Variants in SOCS5 observed in about 807,000 individuals in gnomAD.
SOCS5 encodes suppressor of cytokine signaling 5, also known as CIS-6.
A neutral mutation model predicts 42.8 loss-of-function variants in SOCS5; 32 were observed. That is an observed-to-expected ratio of 0.75 (90% CI 0.56 to 1.01). SOCS5 has a LOEUF of 1.01. SOCS5 is among the 50% of genes least tolerant of loss of function. SOCS5 has a pLI of 0.00. For missense variants in SOCS5, 627 were observed against 653.0 expected, an observed-to-expected ratio of 0.96 and a Z score of 0.43; for synonymous variants, 283 against 229.6, an observed-to-expected ratio of 1.23 and a Z score of -2.10.
chr2:46,733,687 A>C (rs886397314), intron 1 of SOCS5, among the ~76,000 whole-genome samples: 1 of 152,236 alleles, frequency 6.6e-6, no homozygotes, highest in Non-Finnish European at 1.5e-5. Flanking sequence ...AAAAGTTACA[A>C]ATAGATACGA....
intron 1 of SOCS5, among the ~76,000 whole-genome samples, chr2:46,707,769 C>T (rs6741642): frequency 0.54 from 81,560 of 151,954 alleles, 22,781 homozygotes; most frequent in Middle Eastern, 0.64. Context: ...AATACAAATG[C>T]TCCTCGACTT....
chr2:46,701,303 C>G (rs975755334), intron 1 of SOCS5, among the ~76,000 whole-genome samples: 1 of 152,146 alleles, frequency 6.6e-6, no homozygotes, highest in African/African-American at 2.4e-5. Flanking sequence ...GACTCACTGG[C>G]TGTGAAGTAG....
chr2:46,725,063 A>G (rs957792907), intron 1 of SOCS5, among the ~76,000 whole-genome samples: 1 of 151,930 alleles, frequency 6.6e-6, no homozygotes, highest in Non-Finnish European at 1.5e-5. Context: ...GTGCATACAC[A>G]TTTAGGATTA....
chr2:46,742,143 C>G (rs1463667844), intron 1 of SOCS5, among the ~76,000 whole-genome samples: 1 of 152,162 alleles, frequency 6.6e-6, no homozygotes, highest in Non-Finnish European at 1.5e-5. Context: ...TTGACAAATT[C>G]CAAGAATGAC....
rs1673862929 is a variant in SOCS5, at chr2:46,761,261, T to C, written c.*1120T>C. 6.0e-6 allele frequency: 1 copy of C among 167,122 alleles called. No homozygotes were observed. Among genetic ancestry groups the C allele is most frequent in the South Asian group, 2.1e-4 (1 of 4,836 alleles). 10.4% of individuals were successfully genotyped at this position (167,122 alleles called of 1,614,324 possible). Reference sequence around the variant, plus strand: ...TTTTGTCACTTAGAATAATATGTACTACTACTTGAGTGAGCGCTTTTGGAA... The same window carrying C: ...TTTTGTCACTTAGAATAATATGTACCACTACTTGAGTGAGCGCTTTTGGAA... On this transcript the variant is annotated 3_prime_UTR_variant, in exon 2 of 2. Coordinates refer to ENST00000394861, the MANE Select transcript of SOCS5 (RefSeq NM_144949.3).
At chr2:46,745,372 A>G (rs1281402393) in intron 1 of SOCS5, among the ~76,000 whole-genome samples, 13 of 152,202 alleles carry the variant, frequency 8.5e-5, no homozygotes, top group Admixed American at 8.5e-4. Flanking sequence ...TTCTTTGATT[A>G]CATATTTTTG....
chr2:46,727,280 C>T (rs1250493375), intron 1 of SOCS5, among the ~76,000 whole-genome samples: 13 of 151,788 alleles, frequency 8.6e-5, no homozygotes, highest in Admixed American at 5.9e-4. Context: ...TCCCGAGTAG[C>T]GGAGCATTTT....
intron 1 of SOCS5, among the ~76,000 whole-genome samples, chr2:46,701,997 T>C (rs1672355655): frequency 6.6e-6 from 1 of 151,854 alleles, no homozygotes. Flanking sequence ...ATCATAGTTA[T>C]AATAGAGAAA....
chr2:46,703,087 A>C (rs754316520), intron 1 of SOCS5, among the ~76,000 whole-genome samples: 1 of 152,178 alleles, frequency 6.6e-6, no homozygotes, highest in Non-Finnish European at 1.5e-5. Flanking sequence ...TATTTTTTCA[A>C]TGTATCTCAC....
chr2:46,747,090 C>T (rs1673518920), intron 1 of SOCS5, among the ~76,000 whole-genome samples: 1 of 151,964 alleles, frequency 6.6e-6, no homozygotes, highest in Non-Finnish European at 1.5e-5. Context: ...ATTTTAATTA[C>T]TGATTCAAAG....
chr2:46,732,070 G>A lies in SOCS5; in HGVS notation c.-12-26449G>A, dbSNP rs139925312. On this transcript the variant is annotated intron_variant, in intron 1 of 1. Coordinates refer to ENST00000394861, the MANE Select transcript of SOCS5 (RefSeq NM_144949.3). ...AGGAGATGTTTGAGGTATATGTGTTGTGTATTCCTATGTTCAGGCTCTGTG... is the reference window on the plus strand; with the variant it reads ...AGGAGATGTTTGAGGTATATGTGTTATGTATTCCTATGTTCAGGCTCTGTG... Among the ~76,000 whole-genome samples the A allele has an allele frequency of 6.0e-3, 918 of 152,298 alleles. 8 individuals carry two copies. The highest frequency in any genetic ancestry group is 0.01 in the Admixed American group (155 of 15,298).
intron 1 of SOCS5, among the ~76,000 whole-genome samples, chr2:46,719,665 CACTGTAGTG>C (rs1672836752): frequency 6.6e-6 from 1 of 152,132 alleles, no homozygotes; most frequent in African/African-American, 2.4e-5. Flanking sequence ...TTTAGGAACT[CACTGTAGTG>C]ACTCAGCTCC....
At chr2:46,744,988 A>T in intron 1 of SOCS5, among the ~76,000 whole-genome samples, 1 of 151,362 alleles carries the variant, frequency 6.6e-6, no homozygotes, top group East Asian at 1.9e-4. Flanking sequence ...GTATAACAAG[A>T]TGTAGAATTA....
Position 46,760,065 on chromosome 2 carries a change from A to AT in SOCS5, c.1541dup (p.Leu514PhefsTer7), listed in dbSNP as rs1558415621. The AT allele has an allele frequency of 1.9e-6, 3 of 1,613,994 alleles. No individual in the cohort carries two copies. The highest frequency in any genetic ancestry group is 1.1e-5 in the South Asian group (1 of 91,068). Reference sequence around the variant, plus strand: ...CTCCCTCTACCCTCAATGTTACAGGATTTTTTAAAAGAGTATCATTATAAA... The same window carrying AT: ...CTCCCTCTACCCTCAATGTTACAGGATTTTTTTAAAAGAGTATCATTATAAA... On this transcript the variant is annotated frameshift_variant, in exon 2 of 2. Transcript: ENST00000394861. LOFTEE classifies it high-confidence loss of function.
chr2:46,754,708 T>C (rs1019963184), intron 1 of SOCS5, among the ~76,000 whole-genome samples: 2 of 152,226 alleles, frequency 1.3e-5, no homozygotes, highest in East Asian at 3.8e-4. Context: ...CAATTTTATA[T>C]GGTTCAACCT....
intron 1 of SOCS5, among the ~76,000 whole-genome samples, chr2:46,750,722 C>G (rs1241875727): frequency 6.6e-6 from 1 of 152,068 alleles, no homozygotes; most frequent in Non-Finnish European, 1.5e-5. Flanking sequence ...ATTTAAAGTA[C>G]AGATACCGAA....
Position 46,760,221 on chromosome 2 carries a change from C to T in SOCS5, c.*80C>T. ...GTACACCTATAGCAAGCACACGTAG[C>T]AGTGTTAGGCTTTTTCATACAGTAT... On this transcript the variant is annotated 3_prime_UTR_variant, in exon 2 of 2. Coordinates refer to ENST00000394861, the MANE Select transcript of SOCS5 (RefSeq NM_144949.3). The T allele has an allele frequency of 1.0e-6, 1 of 1,001,918 alleles. No individual in the cohort carries two copies. The highest frequency in any genetic ancestry group is 1.5e-6 in the Non-Finnish European group (1 of 664,876). The allele number at this position is 1,001,918 out of a possible 1,614,324, so 62.1% of individuals were successfully genotyped here.
intron 1 of SOCS5, among the ~76,000 whole-genome samples, chr2:46,747,780 A>T (rs753077306): frequency 6.6e-6 from 1 of 152,182 alleles, no homozygotes. Context: ...GTAAATAGGC[A>T]TAGAGAAAGA....
chr2:46,732,476 A>G (rs759387583), intron 1 of SOCS5, among the ~76,000 whole-genome samples: 1 of 152,250 alleles, frequency 6.6e-6, no homozygotes, highest in South Asian at 2.1e-4. Flanking sequence ...GAAAACTCCT[A>G]TGTAGTTTGA....
Sources: gnomAD v4.1 joint callset for allele counts (sites outside exome capture counted in the v4.1 genomes callset) on GRCh38, gnomAD v4.1.1 for gene constraint, MANE v1.5 for transcripts, NCBI Gene and HGNC (gene_info 2026-07-23, HGNC 2026-07-21) for gene names.